PTPRE: variants seen among roughly 807,000 people sequenced by gnomAD.
PTPRE encodes protein tyrosine phosphatase receptor type E, also known as receptor-type tyrosine-protein phosphatase epsilon.
PTPRE carries 51 observed loss-of-function variants against 102.0 expected under a neutral mutation model. The observed-to-expected ratio is 0.50, with a 90% CI of 0.40 to 0.63. PTPRE has a LOEUF of 0.63. Ranked by LOEUF, PTPRE falls within the 30% of genes least tolerant of loss-of-function variation. PTPRE has a pLI of 0.00. For synonymous variants in PTPRE, 345 were observed against 348.2 expected (o/e 0.99, Z 0.10); for missense variants, 752 against 915.1 (o/e 0.82, Z 2.30).
intron 1 of PTPRE, among the ~76,000 whole-genome samples, chr10:127,972,280 A>G (rs897734173): frequency 3.3e-5 from 5 of 152,310 alleles, no homozygotes; most frequent in Admixed American, 2.0e-4. Context: ...GGTTTTCCTA[A>G]TGTTGAGGAC....
rs758270913 is a variant in PTPRE, at chr10:128,077,659, T to C, written c.1768T>C (p.Phe590Leu). 4 of 1,613,484 alleles carry C rather than the reference T, an allele frequency of 2.5e-6. No individual in the cohort carries two copies. The highest frequency in any genetic ancestry group is 8.5e-7 in the Non-Finnish European group (1 of 1,179,574). Residue 590 changes from phenylalanine (F) to leucine (L), a missense_variant, in exon 19 of 21, where the codon TTT becomes CTT. Physicochemically the swap from Phe to Leu is conservative, Grantham distance 22. Around this residue, in one of 2 missense-constraint regions of PTPRE, gnomAD observed 636 missense variants for 824.4 expected, o/e 0.77. Coordinates refer to ENST00000254667, the MANE Select transcript of PTPRE (RefSeq NM_006504.6). The stretch of plus-strand genomic sequence containing the variant: ...GGAGCAGGTCCGAGTAGTGCGCCAG[T>C]TTCACTTCCACGGCTGGCCTGAGAT... ...QEEQVRVVRQ[F>L]HFHGWPEIGI... is the part of the protein sequence containing the mutation.
rs938885790 is a variant in PTPRE at position 127,907,769 on chromosome 10, T to G, written c.-31+460T>G. Among the ~76,000 whole-genome samples the G allele has an allele frequency of 1.4e-4, 22 of 152,040 alleles. No individual in the cohort carries two copies. In the Middle Eastern group the frequency reaches 0.01, roughly 71 times the overall value. The stretch of plus-strand genomic sequence containing the variant: ...AAAGTGGCTCGAGTTGTGCCAACTC[T>G]GGGAGGGGCCGGCGCTCTGCCAGGA... On this transcript the variant is annotated intron_variant, in intron 1 of 20. Transcript: ENST00000254667. The surrounding 1 kb of genome is among the most constrained non-coding windows in gnomAD (Gnocchi z 4.8).
intron 2 of PTPRE, among the ~76,000 whole-genome samples, chr10:127,984,825 A>T (rs1310969387): frequency 6.6e-6 from 1 of 152,166 alleles, no homozygotes; most frequent in Non-Finnish European, 1.5e-5. Context: ...GCCATGTGGA[A>T]CTGTGAGTCC....
At chr10:128,060,712 C>T (rs549552447) in intron 7 of PTPRE, among the ~76,000 whole-genome samples, 92 of 152,320 alleles carry the variant, frequency 6.0e-4, no homozygotes, top group African/African-American at 2.2e-3. Context: ...ACAGCTGAGA[C>T]AGTCAGTGTT....
chr10:127,955,131 AG>A (rs1459052777), intron 1 of PTPRE, among the ~76,000 whole-genome samples: 1 of 152,150 alleles, frequency 6.6e-6, no homozygotes, highest in Admixed American at 6.5e-5. Flanking sequence ...GGTGCCTCTT[AG>A]TACTACCATA....
At chr10:127,980,913 A>C (rs1851558190) in intron 1 of PTPRE, among the ~76,000 whole-genome samples, 1 of 152,222 alleles carries the variant, frequency 6.6e-6, no homozygotes, top group African/African-American at 2.4e-5. Flanking sequence ...AAATAGTAAC[A>C]ATCAAAACAT....
intron 1 of PTPRE, among the ~76,000 whole-genome samples, chr10:127,952,736 C>A (rs566465822): frequency 2.6e-5 from 4 of 152,300 alleles, no homozygotes; most frequent in Non-Finnish European, 5.9e-5. Flanking sequence ...CTCAATCTTG[C>A]AAGACTGTCA....
At chr10:128,020,991 A>T (rs1044713299) in intron 2 of PTPRE, among the ~76,000 whole-genome samples, 1 of 150,170 alleles carries the variant, frequency 6.7e-6, no homozygotes, top group East Asian at 2.0e-4. Flanking sequence ...TCCGCCTCCC[A>T]GGTTCACGCC....
chr10:127,958,895 T>C (rs1479886703), intron 1 of PTPRE, among the ~76,000 whole-genome samples: 2 of 149,640 alleles, frequency 1.3e-5, no homozygotes, highest in Admixed American at 6.6e-5. Flanking sequence ...ACTTGCCTTT[T>C]TTTTTTTTTT....
At chr10:127,931,658 G>T (rs1192346804) in intron 1 of PTPRE, among the ~76,000 whole-genome samples, 1 of 152,150 alleles carries the variant, frequency 6.6e-6, no homozygotes, top group Non-Finnish European at 1.5e-5. Flanking sequence ...TTACCCAAAT[G>T]GAAGGAATCC....
In PTPRE at chr10:127,944,500, A is replaced by ATGGATGGATGAATGGATAAG. The variant is rs1848487546; in HGVS notation, c.-31+37201_-31+37202insAATGGATAAGTGGATGGATG. On this transcript the variant is annotated intron_variant, in intron 1 of 20. Transcript: ENST00000254667. This position sits in a 1 kb window ranked among gnomAD's most constrained non-coding sequence, Gnocchi z 4.2. ...GATGGATGGATGGATGGATGGATGG[A>ATGGATGGATGAATGGATAAG]TGGATGGATGGATGGGTGGATGGAT... Among the ~76,000 whole-genome samples the ATGGATGGATGAATGGATAAG allele has an allele frequency of 6.8e-6, 1 of 146,022 alleles. No individual in the cohort carries two copies. Among genetic ancestry groups the ATGGATGGATGAATGGATAAG allele is most frequent in the African/African-American group, 2.6e-5 (1 of 38,856 alleles).
At chr10:127,967,574 A>T (rs1301380617) in intron 1 of PTPRE, among the ~76,000 whole-genome samples, 1 of 152,224 alleles carries the variant, frequency 6.6e-6, no homozygotes, top group Non-Finnish European at 1.5e-5. Context: ...CTGTGAGTCC[A>T]TTAAACCTCT....
At position 128,070,417 on chromosome 10, in the gene PTPRE, C is replaced by G. The variant is rs138653229; in HGVS notation, c.1260C>G (p.His420Gln). The change falls in exon 14 of 21, where the codon CAC becomes CAG. Residue 420 changes from histidine (H) to glutamine (Q), a missense_variant. Transcript: ENST00000254667. This position sits in a 1 kb window ranked among gnomAD's most constrained non-coding sequence, Gnocchi z 4.8. Reference sequence around the variant, plus strand: ...AGACCATGCACGGCACCACCACCCACTTCGACAAGATCGGGCTGGAGGAGG... The same window carrying G: ...AGACCATGCACGGCACCACCACCCAGTTCGACAAGATCGGGCTGGAGGAGG... ...HLQTMHGTTT[H>Q]FDKIGLEEEF... The G allele has an allele frequency of 3.1e-5, 50 of 1,614,202 alleles. No individual in the cohort carries two copies. The Admixed American group carries it at 7.7e-4, about 25-fold the overall frequency.
intron 1 of PTPRE, among the ~76,000 whole-genome samples, chr10:127,945,849 G>A (rs1284451008): frequency 1.3e-5 from 2 of 152,108 alleles, no homozygotes; most frequent in African/African-American, 4.8e-5. Context: ...AACCCCTGTG[G>A]GGTCGCTGAC....
At chr10:127,979,998 A>T (rs546710923) in intron 1 of PTPRE, among the ~76,000 whole-genome samples, 2 of 152,318 alleles carry the variant, frequency 1.3e-5, no homozygotes, top group East Asian at 3.9e-4. Flanking sequence ...CCCCAGTCAA[A>T]CATCACGAGT....
intron 2 of PTPRE, 23 bp downstream of exon 2, chr10:127,982,319 ATT>A: frequency 1.7e-6 from 2 of 1,199,452 alleles, no homozygotes; most frequent in Non-Finnish European, 2.2e-6. Context: ...CTTTTTAAAA[ATT>A]ATTTTTGATG....
chr10:128,049,264 G>C (rs1848350716), intron 5 of PTPRE, among the ~76,000 whole-genome samples: 3 of 152,130 alleles, frequency 2.0e-5, no homozygotes, highest in African/African-American at 7.2e-5. Flanking sequence ...GCCTCGGGAG[G>C]GGGACAGGCT....
chr10:128,081,709 G>A (rs191796572), intron 20 of PTPRE, among the ~76,000 whole-genome samples: 5 of 152,286 alleles, frequency 3.3e-5, no homozygotes, highest in Admixed American at 2.6e-4. Flanking sequence ...GATCAGCTGC[G>A]TGTCTTAGTA....
intron 1 of PTPRE, among the ~76,000 whole-genome samples, chr10:127,928,047 G>A (rs747836236): frequency 6.6e-6 from 1 of 152,144 alleles, no homozygotes; most frequent in African/African-American, 2.4e-5. Flanking sequence ...TTGATTTCCT[G>A]GAGATAAGAA....
Sources: gnomAD v4.1 joint callset for allele counts (sites outside exome capture counted in the v4.1 genomes callset) on GRCh38, gnomAD v4.1.1 for gene constraint, gnomAD v4.1.1 regional missense constraint, Gnocchi (gnomAD v3.1) non-coding constraint, MANE v1.5 for transcripts, NCBI Gene and HGNC (gene_info 2026-07-23, HGNC 2026-07-21) for gene names.